The following PDE4D variants were observed in gnomAD, a reference collection of about 807,000 sequenced individuals.
The protein encoded by PDE4D is 3',5'-cyclic-AMP phosphodiesterase 4D.
A neutral mutation model predicts 87.4 loss-of-function variants in PDE4D; 24 were observed. The ratio of observed to expected loss-of-function variants is 0.27; its 90% CI spans 0.20 to 0.39. The LOEUF (loss-of-function observed/expected upper bound fraction) is 0.39, where lower values mean the gene tolerates loss of function less well. Among genes scored for constraint, PDE4D ranks in the 10% least tolerant of loss-of-function variants. PDE4D has a pLI of 1.00. For synonymous variants in PDE4D, 384 were observed against 383.2 expected (o/e 1.00, Z -0.02); for missense variants, 714 against 1,041.0 (o/e 0.69, Z 4.32).
chr5:60,208,525 T>C (rs528155718), intron 1 of PDE4D, among the ~76,000 whole-genome samples: 3 of 151,990 alleles, frequency 2.0e-5, no homozygotes, highest in African/African-American at 7.2e-5. Context: ...CCAAAGAGAA[T>C]AGCAGGACAA....
intron 1 of PDE4D, among the ~76,000 whole-genome samples, chr5:59,632,300 G>A (rs1272759736): frequency 1.3e-5 from 2 of 152,174 alleles, no homozygotes; most frequent in African/African-American, 4.8e-5. Flanking sequence ...GGGGGGAGGG[G>A]TGGCTTTGGG....
chr5:58,970,518 C>T lies in PDE4D; in HGVS notation c.*4146G>A, dbSNP rs966649202. On this transcript the variant is annotated 3_prime_UTR_variant, in exon 15 of 15. Transcript: ENST00000340635. ...AAATGTTTCCTGCTTTAGGGGCTGG[C>T]CATTGTACAAGGTGAAATTTTAAAA... The T allele has an allele frequency of 2.0e-5, 3 of 152,074 alleles. No individual in the cohort carries two copies. The highest frequency in any genetic ancestry group is 4.4e-5 in the Non-Finnish European group (3 of 68,012). The allele number at this position is 152,074 out of a possible 1,614,324, so 9.4% of individuals were successfully genotyped here.
intron 2 of PDE4D, among the ~76,000 whole-genome samples, chr5:60,121,858 A>C (rs1324592890): frequency 1.3e-5 from 2 of 152,206 alleles, no homozygotes; most frequent in Non-Finnish European, 2.9e-5. Context: ...AGACAAGGCA[A>C]GTTCCTTCCA....
At chr5:59,003,658 G>A (rs1750983572) in intron 6 of PDE4D, among the ~76,000 whole-genome samples, 1 of 152,206 alleles carries the variant, frequency 6.6e-6, no homozygotes, top group African/African-American at 2.4e-5. Context: ...GTCATGGGGT[G>A]ATAAGCACAA....
At chr5:59,012,811 C>T (rs893830270) in intron 6 of PDE4D, among the ~76,000 whole-genome samples, 6 of 152,194 alleles carry the variant, frequency 3.9e-5, no homozygotes, top group Non-Finnish European at 8.8e-5. Flanking sequence ...ACCTAATAGA[C>T]ATCTACAGAA....
chr5:60,050,733 A>T (rs2152878695), intron 2 of PDE4D, among the ~76,000 whole-genome samples: 1 of 152,372 alleles, frequency 6.6e-6, no homozygotes, highest in East Asian at 1.9e-4. Context: ...TAAAAGACAC[A>T]GACTGGCAAA....
chr5:59,404,098 T>A lies in PDE4D; in HGVS notation c.456-188130A>T, dbSNP rs568104110. Among the ~76,000 whole-genome samples, 18 of 152,366 alleles carry A rather than the reference T, an allele frequency of 1.2e-4. No individual in the cohort carries two copies. In the East Asian group the frequency reaches 3.3e-3, roughly 28 times the overall value. Reference sequence around the variant, plus strand: ...CATATGACTGTTTGCCATTTGTATGTCTTCTTTTCAGAAATGTCTATTCAG... The same window carrying A: ...CATATGACTGTTTGCCATTTGTATGACTTCTTTTCAGAAATGTCTATTCAG... On this transcript the variant is annotated intron_variant, in intron 1 of 14. Coordinates refer to ENST00000340635, the MANE Select transcript of PDE4D (RefSeq NM_001104631.2).
chr5:59,461,675 T>C (rs562962761), intron 1 of PDE4D, among the ~76,000 whole-genome samples: 1 of 152,198 alleles, frequency 6.6e-6, no homozygotes, highest in Non-Finnish European at 1.5e-5. Context: ...AGTCAAAATG[T>C]TGTAATTGGT....
intron 1 of PDE4D, among the ~76,000 whole-genome samples, chr5:59,848,640 G>A (rs573059503): frequency 2.0e-5 from 3 of 151,900 alleles, no homozygotes; most frequent in South Asian, 4.2e-4. Context: ...CTATAATAAC[G>A]GTATTAAGAG....
intron 1 of PDE4D, among the ~76,000 whole-genome samples, chr5:59,333,669 G>A (rs2153578058): frequency 6.6e-6 from 1 of 152,210 alleles, no homozygotes; most frequent in Admixed American, 6.5e-5. Context: ...AATTTATGTA[G>A]CCTAAGGCAA....
In PDE4D at chr5:59,486,848, C is replaced by G. The variant is rs115072069; in HGVS notation, c.456-270880G>C. On this transcript the variant is annotated intron_variant, in intron 1 of 14. Transcript: ENST00000340635. ...TGAAAAATACTAGGTTTTTATTAAG[C>G]ATTTATTGTAGGTCAATACTTGACA... 4.9e-3 allele frequency among the ~76,000 whole-genome samples: 742 copies of G among 152,226 alleles called. 7 individuals carry two copies. Among genetic ancestry groups the G allele is most frequent in the African/African-American group, 0.017 (699 of 41,544 alleles).
At chr5:60,122,749 T>A (rs1778803231) in intron 2 of PDE4D, among the ~76,000 whole-genome samples, 1 of 152,248 alleles carries the variant, frequency 6.6e-6, no homozygotes, top group Admixed American at 6.5e-5. Flanking sequence ...CGGCCTCTCG[T>A]TACTTATGCA....
rs533545117 is a variant in PDE4D, at chr5:59,028,502, T to A, written c.921+10357A>T. 8.7e-4 allele frequency among the ~76,000 whole-genome samples: 131 copies of A among 150,488 alleles called. 1 individual carries two copies. The highest frequency in any genetic ancestry group is 3.2e-3 in the African/African-American group (129 of 40,824). ...ATGATTCCTGACTCAGTCGAGACAATTCCCATCTTTTAATTCATTAAATCA... is the reference window on the plus strand; with the variant it reads ...ATGATTCCTGACTCAGTCGAGACAAATCCCATCTTTTAATTCATTAAATCA... On this transcript the variant is annotated intron_variant, in intron 6 of 14. Transcript: ENST00000340635.
At chr5:59,090,143 T>C (rs187734020) in intron 5 of PDE4D, among the ~76,000 whole-genome samples, 35 of 152,292 alleles carry the variant, frequency 2.3e-4, no homozygotes, top group African/African-American at 7.7e-4. Context: ...AATAAAACTA[T>C]AAAAATTAGT....
chr5:60,236,508 C>T (rs1746448260), intron 1 of PDE4D, among the ~76,000 whole-genome samples: 1 of 151,870 alleles, frequency 6.6e-6, no homozygotes, highest in South Asian at 2.1e-4. Context: ...ACATATCTAC[C>T]TATGATAGGC....
intron 1 of PDE4D, among the ~76,000 whole-genome samples, chr5:59,439,982 C>G (rs998138975): frequency 2.0e-5 from 3 of 152,104 alleles, no homozygotes; most frequent in African/African-American, 7.2e-5. Context: ...AAATCTGTCA[C>G]CTGAGAAAAT....
intron 1 of PDE4D, among the ~76,000 whole-genome samples, chr5:59,758,615 C>T (rs1206749861): frequency 1.3e-5 from 2 of 152,166 alleles, no homozygotes; most frequent in African/African-American, 4.8e-5. Flanking sequence ...AGAATCTTTA[C>T]AGTGATCTAT....
intron 6 of PDE4D, among the ~76,000 whole-genome samples, chr5:59,019,779 C>T (rs1457004324): frequency 6.7e-6 from 1 of 149,684 alleles, no homozygotes; most frequent in East Asian, 2.0e-4. Context: ...AGGACAGGAA[C>T]ATAATGTATT....
At chr5:58,980,698 G>T (rs1744915276) in intron 11 of PDE4D, among the ~76,000 whole-genome samples, 1 of 152,020 alleles carries the variant, frequency 6.6e-6, no homozygotes, top group Non-Finnish European at 1.5e-5. Context: ...GGGGAAGGGT[G>T]GGCAGGTACT....
Sources: allele counts gnomAD v4.1 joint callset (sites outside exome capture counted in the v4.1 genomes callset), GRCh38; gene constraint gnomAD v4.1.1; transcripts MANE v1.5; gene names NCBI Gene and HGNC (gene_info 2026-07-23, HGNC 2026-07-21).